DAB1: variants seen among roughly 807,000 people sequenced by gnomAD.
DAB1 encodes disabled homolog 1.
A neutral mutation model predicts 64.6 loss-of-function variants in DAB1; 15 were observed. The observed-to-expected ratio is 0.23, with a 90% confidence interval of 0.16 to 0.36. The LOEUF (loss-of-function observed/expected upper bound fraction) is 0.36, where lower values mean the gene tolerates loss of function less well. Among genes scored for constraint, DAB1 ranks in the 10% least tolerant of loss-of-function variants. The pLI is 1.00. For missense variants in DAB1, 596 were observed against 706.7 expected (o/e 0.84, Z 1.78); for synonymous variants, 235 against 251.9 (o/e 0.93, Z 0.64).
At chr1:58,015,246 T>A (rs937120918) in intron 5 of DAB1, among the ~76,000 whole-genome samples, 2 of 152,148 alleles carry the variant, frequency 1.3e-5, no homozygotes, top group Non-Finnish European at 1.5e-5. Context: ...CAACTCTGCA[T>A]CCCATCTGGC....
At chr1:57,428,918 CTT>C (rs61125096), upstream of DAB1, among the ~76,000 whole-genome samples, 6 of 135,482 alleles carry the variant, frequency 4.4e-5, no homozygotes, top group Non-Finnish European at 3.2e-5. Context: ...TTGTTGTTTG[CTT>C]TTTTTTTTTT....
At chr1:57,682,370 A>G (rs1048844070) in intron 6 of DAB1, among the ~76,000 whole-genome samples, 2 of 148,358 alleles carry the variant, frequency 1.3e-5, no homozygotes. Flanking sequence ...AAAAGCAGAT[A>G]AAAGACAAGA....
At chr1:57,035,181 C>T (rs765826034) in intron 9 of DAB1, among the ~76,000 whole-genome samples, 5 of 152,126 alleles carry the variant, frequency 3.3e-5, no homozygotes, top group African/African-American at 1.2e-4. Context: ...AAGGTTATGT[C>T]GCTACATCCT....
chr1:57,342,035 G>C (rs1467515723), intron 1 of DAB1, among the ~76,000 whole-genome samples: 1 of 152,198 alleles, frequency 6.6e-6, no homozygotes, highest in Non-Finnish European at 1.5e-5. Context: ...TTTGGGATAG[G>C]TACTATTATT....
intron 5 of DAB1, among the ~76,000 whole-genome samples, chr1:58,047,614 G>A (rs1282132895): frequency 6.6e-6 from 1 of 152,142 alleles, no homozygotes; most frequent in Middle Eastern, 3.2e-3. Context: ...TATGGTTAAA[G>A]AGCCACCTCT....
intron 5 of DAB1, among the ~76,000 whole-genome samples, chr1:58,014,076 T>C (rs563498657): frequency 6.6e-6 from 1 of 152,248 alleles, no homozygotes; most frequent in African/African-American, 2.4e-5. Flanking sequence ...GTAACACTCA[T>C]GGAATTAGCT....
chr1:58,268,824 A>G (rs897605365), intron 4 of DAB1, among the ~76,000 whole-genome samples: 3 of 152,212 alleles, frequency 2.0e-5, no homozygotes, highest in African/African-American at 7.2e-5. Flanking sequence ...TTAAATAGGA[A>G]CAAAGTTGGA....
At chr1:57,412,234 G>A (rs1205865951) in intron 1 of DAB1, among the ~76,000 whole-genome samples, 1 of 152,056 alleles carries the variant, frequency 6.6e-6, no homozygotes, top group African/African-American at 2.4e-5. Context: ...CCCTTCCTCT[G>A]GCCTCCCAAT....
In DAB1 at chr1:58,036,993, T is replaced by TC. The variant is rs533746039; in HGVS notation, n.387+113517_387+113518insG. On this transcript the variant is annotated intron_variant and non_coding_transcript_variant, in intron 5 of 20. Transcript: ENST00000485760. Reference sequence around the variant, plus strand: ...GAATATGATTCTGAGCATGGCCCATTTCAGCTTCCCTTGCCTGCTCCTTCC... The same window carrying TC: ...GAATATGATTCTGAGCATGGCCCATTCTCAGCTTCCCTTGCCTGCTCCTTCC... Among the ~76,000 whole-genome samples the TC allele has an allele frequency of 1.9e-3, 288 of 152,294 alleles. 1 individual carries two copies. Among genetic ancestry groups the TC allele is most frequent in the Non-Finnish European group, 3.7e-3 (252 of 68,022 alleles).
chr1:58,103,772 C>T (rs545910332), intron 5 of DAB1, among the ~76,000 whole-genome samples: 1 of 152,296 alleles, frequency 6.6e-6, no homozygotes, highest in East Asian at 1.9e-4. Context: ...TGGGCCCTGC[C>T]TCATGCTCCC....
intron 5 of DAB1, among the ~76,000 whole-genome samples, chr1:58,008,581 C>T (rs536341484): frequency 4.6e-5 from 7 of 152,190 alleles, no homozygotes; most frequent in East Asian, 1.9e-4. Flanking sequence ...TCAATCATAG[C>T]GGTTCGGTGT....
intron 1 of DAB1, among the ~76,000 whole-genome samples, chr1:57,298,206 AT>A (rs1423163295): frequency 1.3e-5 from 2 of 152,076 alleles, no homozygotes; most frequent in Non-Finnish European, 2.9e-5. Context: ...CCCATGCTGC[AT>A]ATTTGATTTC....
At chr1:58,433,596 AGTGTGT>A (rs71580866) in intron 3 of DAB1, among the ~76,000 whole-genome samples, 20 of 79,860 alleles carry the variant, frequency 2.5e-4, no homozygotes, top group African/African-American at 8.4e-4. Context: ...AGAGAGAGAG[AGTGTGT>A]GTGTGTGTGT....
chr1:57,154,824 T>C (rs1660055869), intron 2 of DAB1, among the ~76,000 whole-genome samples: 2 of 152,256 alleles, frequency 1.3e-5, no homozygotes. Flanking sequence ...ATATGCCTGT[T>C]TGCCATTTGA....
At chr1:58,290,104 G>C (rs1661778812) in intron 4 of DAB1, among the ~76,000 whole-genome samples, 1 of 152,152 alleles carries the variant, frequency 6.6e-6, no homozygotes, top group African/African-American at 2.4e-5. Flanking sequence ...TAATGGCATA[G>C]GACCCCTTCT....
rs938039341 is a variant in DAB1 at position 57,753,040 on chromosome 1, C to A, written n.552-103375G>T. 7.9e-5 allele frequency among the ~76,000 whole-genome samples: 12 copies of A among 152,170 alleles called. No homozygotes were observed. In the South Asian group the frequency reaches 8.3e-4, roughly 11 times the overall value. On this transcript the variant is annotated intron_variant and non_coding_transcript_variant, in intron 6 of 20. Transcript: ENST00000485760. The stretch of plus-strand genomic sequence containing the variant: ...CCTGTGTTCCCCGGGGCTGGAACAG[C>A]ATGTTGGTTTCATAAAGAGAATGAG...
intron 3 of DAB1, among the ~76,000 whole-genome samples, chr1:58,349,924 G>A (rs1031641193): frequency 1.1e-4 from 17 of 152,158 alleles, no homozygotes; most frequent in African/African-American, 3.6e-4. Flanking sequence ...ACACACGTGT[G>A]CATATGTCTT....
intron 3 of DAB1, among the ~76,000 whole-genome samples, chr1:58,427,247 G>T (rs1291910605): frequency 6.6e-6 from 1 of 152,004 alleles, no homozygotes; most frequent in African/African-American, 2.4e-5. Flanking sequence ...GGGAAAGGTG[G>T]GGTACCTAAG....
intron 7 of DAB1, among the ~76,000 whole-genome samples, chr1:57,526,658 T>G (rs1644597229): frequency 6.6e-6 from 1 of 152,206 alleles, no homozygotes; most frequent in East Asian, 1.9e-4. Flanking sequence ...GACTATCTAC[T>G]ATTGGATAGT....
Sources: allele counts gnomAD v4.1 joint callset (sites outside exome capture counted in the v4.1 genomes callset), GRCh38; gene constraint gnomAD v4.1.1; transcripts MANE v1.5; gene names NCBI Gene and HGNC (gene_info 2026-07-23, HGNC 2026-07-21).